Variants in ADAMTSL1 observed in about 807,000 individuals in gnomAD.
The protein encoded by ADAMTSL1 is ADAMTS-like protein 1.
In ADAMTSL1, 126 loss-of-function variants were observed where a neutral mutation model predicts 201.8. The ratio of observed to expected loss-of-function variants is 0.62; its 90% CI spans 0.54 to 0.72. ADAMTSL1 has a LOEUF of 0.72. Among genes scored for constraint, ADAMTSL1 ranks in the 30% least tolerant of loss-of-function variants. The probability of loss-of-function intolerance (pLI) is 0.00; values close to 1 mark genes in which losing one functional copy is unlikely to be tolerated. For missense variants in ADAMTSL1, 2,679 were observed against 2,277.8 expected (o/e 1.18, Z -3.59); for synonymous variants, 1,121 against 903.4 (o/e 1.24, Z -4.32).
intron 8 of ADAMTSL1, among the ~76,000 whole-genome samples, chr9:18,661,354 T>C (rs1829080119): frequency 6.6e-6 from 1 of 152,174 alleles, no homozygotes; most frequent in Non-Finnish European, 1.5e-5. Flanking sequence ...GAAACAGGAT[T>C]CGTGATGTCT....
At chr9:18,843,765 C>G (rs1044900474) in intron 23 of ADAMTSL1, among the ~76,000 whole-genome samples, 8 of 150,956 alleles carry the variant, frequency 5.3e-5, no homozygotes, top group African/African-American at 2.0e-4. Flanking sequence ...AACTTCCCTT[C>G]TCACTTCATT....
At chr9:18,125,570 G>C (rs758762104) in intron 1 of ADAMTSL1, among the ~76,000 whole-genome samples, 15 of 152,012 alleles carry the variant, frequency 9.9e-5, no homozygotes, top group Non-Finnish European at 1.9e-4. Context: ...TTTTAATTTA[G>C]ATCTGTGATC....
chr9:18,331,983 CA>C (rs749524098), intron 2 of ADAMTSL1, among the ~76,000 whole-genome samples: 13 of 152,234 alleles, frequency 8.5e-5, no homozygotes, highest in East Asian at 1.9e-4. Flanking sequence ...AAGGCATTGG[CA>C]AGTAGCCCAC....
chr9:18,530,909 C>T (rs1268021356), intron 2 of ADAMTSL1, among the ~76,000 whole-genome samples: 1 of 152,138 alleles, frequency 6.6e-6, no homozygotes, highest in South Asian at 2.1e-4. Context: ...GCAGGAACTT[C>T]AAAATTGAAA....
intron 1 of ADAMTSL1, among the ~76,000 whole-genome samples, chr9:18,044,311 A>G (rs563065215): frequency 6.6e-6 from 1 of 151,926 alleles, no homozygotes; most frequent in Non-Finnish European, 1.5e-5. Flanking sequence ...TTAGGACTTC[A>G]CCTGATAGAA....
At chr9:18,847,210 A>G (rs1161620739) in intron 23 of ADAMTSL1, among the ~76,000 whole-genome samples, 1 of 152,152 alleles carries the variant, frequency 6.6e-6, no homozygotes, top group Non-Finnish European at 1.5e-5. Flanking sequence ...ATCAAAAGGA[A>G]CAGGAGTGGG....
intron 2 of ADAMTSL1, among the ~76,000 whole-genome samples, chr9:18,400,382 C>A (rs1162979396): frequency 6.6e-6 from 1 of 152,072 alleles, no homozygotes; most frequent in Non-Finnish European, 1.5e-5. Context: ...TTAAAAGTTT[C>A]TTTTAACTTC....
At chr9:17,982,431 G>A (rs572931629) in intron 1 of ADAMTSL1, among the ~76,000 whole-genome samples, 2 of 152,172 alleles carry the variant, frequency 1.3e-5, no homozygotes, top group Admixed American at 6.5e-5. Flanking sequence ...TGGCCAACAT[G>A]GTGAAACCCC....
At position 18,777,745 on chromosome 9, in the gene ADAMTSL1, G is replaced by A. The variant is rs781147166; in HGVS notation, c.3516G>A (p.Ala1172=). ...RKPTILRKIS[A]AQQLSASEVV... is the part of the protein sequence containing the mutation. Reference sequence around the variant, plus strand: ...CCACCATCCTGCGCAAGATCTCAGCGGCCCAGCAGCTCTCAGCCTCGGAGG... The same window carrying A: ...CCACCATCCTGCGCAAGATCTCAGCAGCCCAGCAGCTCTCAGCCTCGGAGG... Residue 1172 remains alanine, a synonymous_variant, in exon 19 of 29, where the codon GCG becomes GCA. Transcript: ENST00000380548. 1 of 1,613,680 alleles carries A rather than the reference G, an allele frequency of 6.2e-7. No individual in the cohort carries two copies. The highest frequency in any genetic ancestry group is 8.5e-7 in the Non-Finnish European group (1 of 1,179,806).
Position 18,027,051 on chromosome 9 carries a change from G to A in ADAMTSL1, c.87+120129G>A, listed in dbSNP as rs368819770. On this transcript the variant is annotated intron_variant, in intron 1 of 29. Transcript: ENST00000680146. ...ATTATATTTCTGTGGAATTGGTTGT[G>A]ATATCACCTTTGCCATTTCTGATTG... 1.6e-4 allele frequency among the ~76,000 whole-genome samples: 24 copies of A among 149,806 alleles called. No homozygotes were observed. The East Asian group carries it at 3.9e-3, about 24-fold the overall frequency.
chr9:18,827,873 A>T (rs900075113), intron 22 of ADAMTSL1, among the ~76,000 whole-genome samples: 1 of 152,214 alleles, frequency 6.6e-6, no homozygotes, highest in Non-Finnish European at 1.5e-5. Context: ...CTTAGGTTTA[A>T]GGCTTTTCTT....
intron 4 of ADAMTSL1, among the ~76,000 whole-genome samples, chr9:18,615,794 T>C (rs1825666611): frequency 6.6e-6 from 1 of 152,204 alleles, no homozygotes; most frequent in Non-Finnish European, 1.5e-5. Flanking sequence ...TATAGTCTAT[T>C]GGATTCGGCT....
intron 23 of ADAMTSL1, among the ~76,000 whole-genome samples, chr9:18,852,474 G>A (rs938800336): frequency 4.1e-5 from 6 of 146,862 alleles, no homozygotes; most frequent in Admixed American, 2.1e-4. Context: ...CCAGATCCTG[G>A]AAGCAGGAAT....
chr9:18,604,805 T>C (rs1824906489), intron 4 of ADAMTSL1, among the ~76,000 whole-genome samples: 2 of 152,130 alleles, frequency 1.3e-5, no homozygotes, highest in African/African-American at 4.8e-5. Context: ...CACGTGGTAA[T>C]TGCATGTTTA....
chr9:18,784,670 C>A (rs117406469), intron 19 of ADAMTSL1, among the ~76,000 whole-genome samples: 2,601 of 152,274 alleles, frequency 0.017, 31 homozygotes, highest in Non-Finnish European at 0.029. Flanking sequence ...CTATCACATC[C>A]CGTCTCCCAC....
intron 2 of ADAMTSL1, among the ~76,000 whole-genome samples, chr9:18,164,759 C>G (rs1827559293): frequency 6.6e-6 from 1 of 151,802 alleles, no homozygotes; most frequent in South Asian, 2.1e-4. Context: ...ACCCCCAAAA[C>G]AAACATACAA....
chr9:18,315,671 C>T (rs556585872), intron 2 of ADAMTSL1, among the ~76,000 whole-genome samples: 5 of 152,144 alleles, frequency 3.3e-5, no homozygotes, highest in African/African-American at 4.8e-5. Flanking sequence ...CGCTGGCCCA[C>T]GAGCTCTGTT....
intron 16 of ADAMTSL1, among the ~76,000 whole-genome samples, chr9:18,759,543 G>T (rs1819951619): frequency 1.3e-5 from 2 of 152,070 alleles, no homozygotes; most frequent in Non-Finnish European, 2.9e-5. Context: ...TCCCAGGGAG[G>T]AAAAAACTCT....
At chr9:18,055,220 T>G (rs1822125495) in intron 1 of ADAMTSL1, among the ~76,000 whole-genome samples, 3 of 152,224 alleles carry the variant, frequency 2.0e-5, no homozygotes, top group African/African-American at 7.2e-5. Flanking sequence ...ATAGTCAGTT[T>G]AGTAAAAGCA....
Sources: allele counts gnomAD v4.1 joint callset (sites outside exome capture counted in the v4.1 genomes callset), GRCh38; gene constraint gnomAD v4.1.1; transcripts MANE v1.5; gene names NCBI Gene and HGNC (gene_info 2026-07-23, HGNC 2026-07-21).